AP1G1: variants seen among roughly 807,000 people sequenced by gnomAD.
AP1G1 encodes the protein adaptor related protein complex 1 subunit gamma 1, also known as AP-1 complex subunit gamma-1.
In AP1G1, 7 loss-of-function variants were observed where a neutral mutation model predicts 108.3. That is an observed-to-expected ratio of 0.06 (90% CI 0.04 to 0.12). The LOEUF is 0.12. Ranked by LOEUF, AP1G1 falls within the 10% of genes least tolerant of loss-of-function variation. The pLI is 1.00. For missense variants in AP1G1, 756 were observed against 1,010.7 expected (o/e 0.75, Z 3.42); for synonymous variants, 379 against 353.5 (o/e 1.07, Z -0.81).
chr16:71,755,832 G>T (rs572457654), intron 12 of AP1G1, 187 bp downstream of exon 12: 331 of 581,452 alleles, frequency 5.7e-4, no homozygotes, highest in Non-Finnish European at 6.6e-4. Context: ...TTTTAGTGGC[G>T]ACAGGGTTTC....
At chr16:71,787,387 G>A (rs890602203) in intron 2 of AP1G1, among the ~76,000 whole-genome samples, 1 of 151,556 alleles carries the variant, frequency 6.6e-6, no homozygotes, top group Non-Finnish European at 1.5e-5. Context: ...CCAGTGACTC[G>A]AGAGGCTGAG....
At position 71,786,202 on chromosome 16, in the gene AP1G1, T is replaced by C. The variant is rs150668969; in HGVS notation, c.201+3077A>G. Among the ~76,000 whole-genome samples the C allele has an allele frequency of 8.6e-4, 131 of 152,300 alleles. 1 individual carries two copies. The highest frequency in any genetic ancestry group is 2.9e-3 in the African/African-American group (120 of 41,576). On this transcript the variant is annotated intron_variant, in intron 2 of 22. Coordinates refer to ENST00000299980, the MANE Select transcript of AP1G1 (RefSeq NM_001128.6). ...AATTAAGTCCCAAAATACCCCCAAA[T>C]GCCACCTAACCTTAAAAGCACATTC...
At chr16:71,792,613 G>C (rs2032445375) in intron 1 of AP1G1, among the ~76,000 whole-genome samples, 1 of 152,152 alleles carries the variant, frequency 6.6e-6, no homozygotes, top group Non-Finnish European at 1.5e-5. Flanking sequence ...AGCACTTTGG[G>C]AGCATTGAGA....
intron 13 of AP1G1, among the ~76,000 whole-genome samples, chr16:71,751,945 G>A (rs1396829891): frequency 6.6e-6 from 1 of 152,050 alleles, no homozygotes; most frequent in East Asian, 1.9e-4. Context: ...AACATTATAA[G>A]AGAAAACTAT....
At chr16:71,779,702 C>T (rs904178990) in intron 2 of AP1G1, among the ~76,000 whole-genome samples, 1 of 152,092 alleles carries the variant, frequency 6.6e-6, no homozygotes, top group Non-Finnish European at 1.5e-5. Context: ...GAGAATTTTC[C>T]ATGTTTCTGG....
At position 71,759,006 on chromosome 16, in the gene AP1G1, G is replaced by A. The variant is rs370138607; in HGVS notation, c.975-85C>T. ...CCGTTTAAATAATAAAAAGAAAGAC[G>A]TCTAATGGATAAGAGAAAGCATACA... On this transcript the variant is annotated intron_variant, in intron 10 of 22. Transcript: ENST00000299980. 1.3e-3 allele frequency: 943 copies of A among 723,608 alleles called. 5 individuals are homozygous for A. The highest frequency in any genetic ancestry group is 4.6e-3 in the South Asian group (264 of 57,694). The allele number at this position is 723,608 out of a possible 1,614,324, so 44.8% of individuals were successfully genotyped here.
intron 6 of AP1G1, chr16:71,767,783 G>T: frequency 8.2e-7 from 1 of 1,220,526 alleles, no homozygotes; most frequent in Non-Finnish European, 1.2e-6. Context: ...TTCAGCATTA[G>T]TATATTTTAA....
chr16:71,736,574 ATT>A (rs2045547630), intron 21 of AP1G1, among the ~76,000 whole-genome samples: 4 of 135,512 alleles, frequency 3.0e-5, no homozygotes, highest in African/African-American at 1.1e-4. Flanking sequence ...TTATTTATTT[ATT>A]TATTTATTTA....
intron 6 of AP1G1, chr16:71,767,864 G>A (rs190978575): frequency 1.9e-5 from 31 of 1,598,834 alleles, no homozygotes; most frequent in Non-Finnish European, 2.5e-6. Flanking sequence ...TCTAAAAGAG[G>A]GTTAATTCTT....
rs1185123443 is a variant in AP1G1, at chr16:71,745,240, T to C, written c.1903A>G (p.Asn635Asp). The change falls in exon 19 of 23, where the codon AAT (asparagine) becomes GAT (aspartate). Residue 635 changes from asparagine (N) to aspartate (D), a missense_variant. Coordinates refer to ENST00000299980, the MANE Select transcript of AP1G1 (RefSeq NM_001128.6). Reference sequence around the variant, plus strand: ...GTTGGAATAACAGGTGTTATGTCATTTCCTCCCAACAAATCCAATAAATCA... The same window carrying C: ...GTTGGAATAACAGGTGTTATGTCATCTCCTCCCAACAAATCCAATAAATCA... ...ANDLLDLLGG[N>D]DITPVIPTAP... is the part of the protein sequence containing the mutation. 6.2e-7 allele frequency: 1 copy of C among 1,614,106 alleles called. No homozygotes were observed. Among genetic ancestry groups the C allele is most frequent in the African/African-American group, 1.3e-5 (1 of 74,946 alleles).
chr16:71,768,978 C>CAAAAAAAAA (rs59451625), intron 6 of AP1G1, among the ~76,000 whole-genome samples: 1 of 65,018 alleles, frequency 1.5e-5, no homozygotes, highest in Non-Finnish European at 2.6e-5. Context: ...AAAAAAAATA[C>CAAAAAAAAA]AAAAAAAAAA....
At chr16:71,788,813 T>C (rs2032299918) in intron 2 of AP1G1, among the ~76,000 whole-genome samples, 2 of 133,364 alleles carry the variant, frequency 1.5e-5, no homozygotes, top group African/African-American at 5.4e-5. Flanking sequence ...AGGCATGCTC[T>C]ACCACACCAT....
rs79475655 is a variant in AP1G1, at chr16:71,792,425, T to G, written c.-3-2943A>C. 4.3e-3 allele frequency among the ~76,000 whole-genome samples: 661 copies of G among 152,242 alleles called. 11 individuals carry two copies. The highest frequency in any genetic ancestry group is 0.015 in the African/African-American group (640 of 41,546). On this transcript the variant is annotated intron_variant, in intron 1 of 22. Transcript: ENST00000299980. The stretch of plus-strand genomic sequence containing the variant: ...TTTCTACCCTAGATATATAAGAAAG[T>G]CTATTCTGAAAATCCCAGCCCTTTC...
At chr16:71,807,971 C>T in intron 1 of AP1G1, 1 of 1,242,246 alleles carries the variant, frequency 8.0e-7, no homozygotes, top group Non-Finnish European at 1.0e-6. Context: ...TCCCAAAAGC[C>T]ATTTAATCTG....
intron 11 of AP1G1, among the ~76,000 whole-genome samples, chr16:71,756,668 G>C (rs578094571): frequency 6.6e-6 from 1 of 152,306 alleles, no homozygotes; most frequent in Non-Finnish European, 1.5e-5. Flanking sequence ...AAGGCCGAGC[G>C]TGGTGGCTCA....
intron 1 of AP1G1, among the ~76,000 whole-genome samples, chr16:71,794,453 GTC>G (rs1228231074): frequency 1.3e-5 from 2 of 151,860 alleles, no homozygotes; most frequent in Non-Finnish European, 2.9e-5. Flanking sequence ...AATATTAAAA[GTC>G]TGACTTAAGG....
rs1264381372 is a variant in AP1G1, at chr16:71,807,764, A to T, written c.-4+999T>A. 4 of 1,263,556 alleles carry T rather than the reference A, an allele frequency of 3.2e-6. No individual in the cohort carries two copies. In the Admixed American group the frequency reaches 9.2e-5, roughly 29 times the overall value. The allele number at this position is 1,263,556 out of a possible 1,614,324, so 78.3% of individuals were successfully genotyped here. ...ACTAACTCCTCCCTTCTGTTAACTAATCACTGTAAAGCAGCCCAACTCTCC... is the reference window on the plus strand; with the variant it reads ...ACTAACTCCTCCCTTCTGTTAACTATTCACTGTAAAGCAGCCCAACTCTCC... On this transcript the variant is annotated intron_variant, in intron 1 of 22. Coordinates refer to ENST00000299980, the MANE Select transcript of AP1G1 (RefSeq NM_001128.6).
At chr16:71,749,560 G>A (rs1372267744) in intron 15 of AP1G1, among the ~76,000 whole-genome samples, 5 of 151,494 alleles carry the variant, frequency 3.3e-5, no homozygotes, top group South Asian at 2.1e-4. Context: ...AATATAATTC[G>A]CGTTTGCTTC....
At chr16:71,754,323 G>A (rs1274252920) in intron 12 of AP1G1, among the ~76,000 whole-genome samples, 1 of 147,544 alleles carries the variant, frequency 6.8e-6, no homozygotes, top group African/African-American at 2.5e-5. Flanking sequence ...AAAAAAGAGA[G>A]AGAAAGAAAA....
Sources: gnomAD v4.1 joint callset for allele counts (sites outside exome capture counted in the v4.1 genomes callset) on GRCh38, gnomAD v4.1.1 for gene constraint, MANE v1.5 for transcripts, NCBI Gene and HGNC (gene_info 2026-07-23, HGNC 2026-07-21) for gene names.